LRRC57: variants seen among roughly 807,000 people sequenced by gnomAD.
The protein encoded by LRRC57 is leucine-rich repeat-containing protein 57.
LRRC57 carries 14 observed loss-of-function variants against 23.1 expected under a neutral mutation model. That is an observed-to-expected ratio of 0.61 (90% CI 0.40 to 0.95). The LOEUF is 0.95. LRRC57 is among the 40% of genes least tolerant of loss of function. The probability of loss-of-function intolerance (pLI) is 0.00; values close to 1 mark genes in which losing one functional copy is unlikely to be tolerated. For missense variants in LRRC57, 236 were observed against 284.4 expected (o/e 0.83, Z 1.22); for synonymous variants, 106 against 115.2 (o/e 0.92, Z 0.51).
At chr15:42,530,392 T>G in the LRRC57 span, among the ~76,000 whole-genome samples, 1 of 152,226 alleles carries the variant, frequency 6.6e-6, no homozygotes, top group Non-Finnish European at 1.5e-5. Flanking sequence ...ATTCTTTTTT[T>G]TCCCCCTTAA....
At chr15:42,530,421 T>C in the LRRC57 span, among the ~76,000 whole-genome samples, 9 of 151,864 alleles carry the variant, frequency 5.9e-5, no homozygotes, top group South Asian at 2.1e-4. Flanking sequence ...GATATAAATA[T>C]AGTGAAAGCG....
At chr15:42,536,835 A>G (rs1029630987), downstream of LRRC57, among the ~76,000 whole-genome samples, 5 of 152,232 alleles carry the variant, frequency 3.3e-5, no homozygotes, top group Admixed American at 2.0e-4. Flanking sequence ...GGCCTTGAGC[A>G]TAATACTGAC....
At chr15:42,547,673 A>AT (rs1456955139) in intron 3 of LRRC57, 144 bp from the exon 4 acceptor site, 7 of 738,726 alleles carry the variant, frequency 9.5e-6, no homozygotes, top group Non-Finnish European at 1.5e-5. Context: ...TAGATATTGC[A>AT]TTTTACCAAC....
rs2057608904 is a variant in LRRC57, at chr15:42,537,939, A to C, written c.*6144T>G. 6.6e-6 allele frequency: 1 copy of C among 152,164 alleles called. No individual in the cohort carries two copies. Among genetic ancestry groups the C allele is most frequent in the African/African-American group, 2.4e-5 (1 of 41,438 alleles). 9.4% of individuals were successfully genotyped at this position (152,164 alleles called of 1,614,324 possible). A position where few individuals can be genotyped will look rare whatever the true frequency, so the allele number is the denominator to read the frequency against. On this transcript the variant is annotated 3_prime_UTR_variant, in exon 6 of 6. Transcript: ENST00000397130. ...TGGGGCGATGAAGGAAGGTAGGTTA[A>C]TGGGTAGATACAAACATACAGTTAG...
At chr15:42,547,562 G>A in intron 3 of LRRC57, 33 bp from the exon 4 acceptor site, 1 of 1,576,434 alleles carries the variant, frequency 6.3e-7, no homozygotes, top group Non-Finnish European at 8.6e-7. Flanking sequence ...AAACCTGAAT[G>A]TGATAGAGCT....
In LRRC57 at chr15:42,541,079, A is replaced by C. The variant is rs543137528; in HGVS notation, c.*3004T>G. On this transcript the variant is annotated 3_prime_UTR_variant, in exon 6 of 6. Coordinates refer to ENST00000397130, the MANE Select transcript of LRRC57 (RefSeq NM_153260.3). ...AGTTCTGATTTATTAGATGAGAAGT[A>C]CTGATAAAACACAGAAATGTTAATT... is the stretch of plus-strand genomic sequence containing the variant. 6.6e-6 allele frequency: 1 copy of C among 152,342 alleles called. No individual in the cohort carries two copies. The highest frequency in any genetic ancestry group is 2.1e-4 in the South Asian group (1 of 4,834). 9.4% of individuals were successfully genotyped at this position (152,342 alleles called of 1,614,324 possible).
chr15:42,545,018 C>T lies in LRRC57; in HGVS notation c.678+59G>A, dbSNP rs2057651925. On this transcript the variant is annotated intron_variant, in intron 5 of 5. Coordinates refer to ENST00000397130, the MANE Select transcript of LRRC57 (RefSeq NM_153260.3). ...GAGCTATAAACATTTCTGTGGATTA[C>T]TTCACCATTGTCTTCTCTGGGGTAG... is the stretch of plus-strand genomic sequence containing the variant. 5.4e-6 allele frequency: 7 copies of T among 1,288,234 alleles called. No individual in the cohort carries two copies. In the East Asian group the frequency reaches 1.8e-4, roughly 32 times the overall value. 79.8% of individuals were successfully genotyped at this position (1,288,234 alleles called of 1,614,324 possible).
downstream of LRRC57, among the ~76,000 whole-genome samples, chr15:42,536,285 T>G (rs2057600343): frequency 6.6e-6 from 1 of 152,258 alleles, no homozygotes; most frequent in Non-Finnish European, 1.5e-5. Context: ...TGCTACAAAC[T>G]GTCTATTTGT....
At chr15:42,529,863 A>C in the LRRC57 span, 1 of 1,596,200 alleles carries the variant, frequency 6.3e-7, no homozygotes. Context: ...CACCCAGTTC[A>C]GTGTTTCAGT....
chr15:42,546,547 G>A (rs2057658949), intron 4 of LRRC57, among the ~76,000 whole-genome samples: 1 of 152,112 alleles, frequency 6.6e-6, no homozygotes, highest in South Asian at 2.1e-4. Flanking sequence ...GCAGCTTCTG[G>A]CCACTTTAAT....
downstream of LRRC57, among the ~76,000 whole-genome samples, chr15:42,534,725 A>C (rs2057591801): frequency 6.6e-6 from 1 of 152,370 alleles, no homozygotes; most frequent in African/African-American, 2.4e-5. Flanking sequence ...ACACAACATT[A>C]ATCTTGTACA....
chr15:42,544,858 A>ATATATATATATATATATATATATC (rs1173358007), intron 5 of LRRC57, among the ~76,000 whole-genome samples: 2 of 148,970 alleles, frequency 1.3e-5, no homozygotes, highest in African/African-American at 2.5e-5. Flanking sequence ...ATATATATAT[A>ATATATATATATATATATATATATC]TCAAAAGACA....
intron 4 of LRRC57, among the ~76,000 whole-genome samples, chr15:42,546,317 G>A (rs766082328): frequency 6.6e-6 from 1 of 152,144 alleles, no homozygotes; most frequent in African/African-American, 2.4e-5. Context: ...ACTAAACTTA[G>A]AGAACCACTG....
chr15:42,544,147 TA>T (rs748195703), intron 5 of LRRC57, 23 bp from the exon 6 acceptor site: 5 of 1,592,740 alleles, frequency 3.1e-6, no homozygotes, highest in Non-Finnish European at 4.3e-6. Flanking sequence ...AAAGAATACA[TA>T]AGGGGTATTT....
At position 42,541,865 on chromosome 15, in the gene LRRC57, TTCTCCTGCC is replaced by T. The variant is rs1477187304; in HGVS notation, c.*2209_*2217del. ...AGCTCCGCCTCCCGGGTTCACGCCA[TTCTCCTGCC>T]TCAGCCTCCCATGTAGCTGAGACTA... On this transcript the variant is annotated 3_prime_UTR_variant, in exon 6 of 6. Coordinates refer to ENST00000397130, the MANE Select transcript of LRRC57 (RefSeq NM_153260.3). 1.3e-5 allele frequency: 2 copies of T among 150,990 alleles called. No individual in the cohort carries two copies. The highest frequency in any genetic ancestry group is 2.9e-5 in the Non-Finnish European group (2 of 67,856). 9.4% of individuals were successfully genotyped at this position (150,990 alleles called of 1,614,324 possible). A position where few individuals can be genotyped will look rare whatever the true frequency, so the allele number is the denominator to read the frequency against.
chr15:42,529,612 G>C, the LRRC57 span: 1 of 1,563,940 alleles, frequency 6.4e-7, no homozygotes, highest in South Asian at 1.2e-5. Flanking sequence ...TTTGTGAAAA[G>C]TAAATCCAGA....
rs1246696515 is a variant in LRRC57 at position 42,543,504 on chromosome 15, G to A, written c.*579C>T. 5 of 152,234 alleles carry A rather than the reference G, an allele frequency of 3.3e-5. No homozygotes were observed. The highest frequency in any genetic ancestry group is 1.2e-4 in the African/African-American group (5 of 41,442). 9.4% of individuals were successfully genotyped at this position (152,234 alleles called of 1,614,324 possible). ...CATGAGCCACCATGCCCAGGCCAAA[G>A]TGCACTTTTAATCAAGACAAACAGT... On this transcript the variant is annotated 3_prime_UTR_variant, in exon 6 of 6. Transcript: ENST00000397130.
At chr15:42,537,241 A>T (rs1324672214), downstream of LRRC57, among the ~76,000 whole-genome samples, 1 of 150,762 alleles carries the variant, frequency 6.6e-6, no homozygotes, top group African/African-American at 2.5e-5. Flanking sequence ...TCTCACACAC[A>T]CACACACACA....
chr15:42,531,803 T>C, the LRRC57 span: 1 of 195,932 alleles, frequency 5.1e-6, no homozygotes, highest in Non-Finnish European at 1.0e-5. Context: ...AAGACAGCCA[T>C]GAAGAAGGAA....
Sources: allele counts gnomAD v4.1 joint callset (sites outside exome capture counted in the v4.1 genomes callset), GRCh38; gene constraint gnomAD v4.1.1; transcripts MANE v1.5; gene names NCBI Gene and HGNC (gene_info 2026-07-23, HGNC 2026-07-21).